Variants in CEP112 observed in about 807,000 individuals in gnomAD.
CEP112 encodes centrosomal protein of 112 kDa.
In CEP112, 127 loss-of-function variants were observed where a neutral mutation model predicts 153.0. The observed-to-expected ratio is 0.83, with a 90% CI of 0.72 to 0.96. The LOEUF is 0.96. Among genes scored for constraint, CEP112 ranks in the 40% least tolerant of loss-of-function variants. CEP112 has a pLI of 0.00. For missense variants in CEP112, 1,089 were observed against 1,101.2 expected (o/e 0.99, Z 0.16); for synonymous variants, 358 against 374.4 (o/e 0.96, Z 0.51).
rs529135709 is a variant in CEP112 at position 65,915,300 on chromosome 17, C to A, written c.1980+12282G>T. The stretch of plus-strand genomic sequence containing the variant: ...TTTACCTTACATTCTATTTCACAAC[C>A]ATTGACAAGTCCTGCCTGCAAAATA... On this transcript the variant is annotated intron_variant, in intron 19 of 26. Transcript: ENST00000535342. Among the ~76,000 whole-genome samples, 4 of 152,210 alleles carry A rather than the reference C, an allele frequency of 2.6e-5. No homozygotes were observed. In the East Asian group the frequency reaches 7.7e-4, roughly 29 times the overall value.
At chr17:65,991,826 C>T (rs1264356763) in intron 17 of CEP112, among the ~76,000 whole-genome samples, 1 of 151,992 alleles carries the variant, frequency 6.6e-6, no homozygotes, top group Non-Finnish European at 1.5e-5. Flanking sequence ...GATCAAGTCA[C>T]AATTCCTCAC....
At chr17:65,936,904 G>A (rs2061330497) in intron 18 of CEP112, among the ~76,000 whole-genome samples, 3 of 149,658 alleles carry the variant, frequency 2.0e-5, no homozygotes, top group East Asian at 2.1e-4. Context: ...TCGGCTCACT[G>A]CAACCTCCCT....
intron 21 of CEP112, among the ~76,000 whole-genome samples, chr17:65,831,384 C>T (rs1350016183): frequency 1.3e-5 from 2 of 151,878 alleles, no homozygotes; most frequent in South Asian, 2.1e-4. Context: ...AGTGAAACCC[C>T]GTCTCTACTA....
chr17:65,772,142 T>C (rs191414774), intron 21 of CEP112, among the ~76,000 whole-genome samples: 67 of 152,320 alleles, frequency 4.4e-4, no homozygotes, highest in African/African-American at 1.6e-3. Flanking sequence ...TGAATTCTTT[T>C]ATTAGCAAAG....
chr17:66,068,911 A>G (rs1483456701), intron 9 of CEP112, among the ~76,000 whole-genome samples: 8 of 152,022 alleles, frequency 5.3e-5, no homozygotes, highest in Non-Finnish European at 1.2e-4. Flanking sequence ...TATTATCTAA[A>G]CAATTTAAAC....
chr17:66,112,299 T>C (rs1345994379), intron 6 of CEP112, among the ~76,000 whole-genome samples: 4 of 147,474 alleles, frequency 2.7e-5, no homozygotes, highest in African/African-American at 1.0e-4. Flanking sequence ...CTCAAAAAAA[T>C]AAAAAAATTA....
At chr17:65,789,721 A>G (rs1356058372) in intron 21 of CEP112, among the ~76,000 whole-genome samples, 2 of 152,148 alleles carry the variant, frequency 1.3e-5, no homozygotes, top group African/African-American at 2.4e-5. Context: ...CAAAACCTCA[A>G]GAAATCTCAG....
chr17:65,695,384 G>C (rs917353931), intron 23 of CEP112, among the ~76,000 whole-genome samples: 1 of 152,106 alleles, frequency 6.6e-6, no homozygotes, highest in Non-Finnish European at 1.5e-5. Flanking sequence ...GCTTTTCTGT[G>C]AGTTTGGGGA....
intron 8 of CEP112, among the ~76,000 whole-genome samples, chr17:66,095,201 T>C (rs558247822): frequency 1.3e-5 from 2 of 152,226 alleles, no homozygotes; most frequent in South Asian, 2.1e-4. Flanking sequence ...TGCACCCCCA[T>C]GTTCACTGCA....
intron 21 of CEP112, among the ~76,000 whole-genome samples, chr17:65,804,866 T>C (rs77432397): frequency 7.0e-6 from 1 of 142,774 alleles, no homozygotes; most frequent in Non-Finnish European, 1.5e-5. Flanking sequence ...GTACAATTAA[T>C]TTTTTTTTTT....
intron 20 of CEP112, among the ~76,000 whole-genome samples, chr17:65,890,448 C>T (rs955529857): frequency 6.6e-6 from 1 of 152,158 alleles, no homozygotes. Context: ...TCTAATGGAA[C>T]CTCTTCTGAT....
chr17:65,687,160 A>ATTTTTTTTTTT (rs35675811), intron 24 of CEP112, among the ~76,000 whole-genome samples: 3 of 90,142 alleles, frequency 3.3e-5, no homozygotes, highest in Admixed American at 1.4e-4. Flanking sequence ...GTTATTATTA[A>ATTTTTTTTTTT]TTTTTTTTTT....
chr17:66,161,960 T>A (rs963599460), intron 4 of CEP112, among the ~76,000 whole-genome samples: 2 of 151,752 alleles, frequency 1.3e-5, no homozygotes, highest in African/African-American at 4.8e-5. Flanking sequence ...GTCAATAAAT[T>A]CTGTTCATTA....
chr17:65,993,758 G>C (rs1220020151), intron 17 of CEP112, among the ~76,000 whole-genome samples: 1 of 152,154 alleles, frequency 6.6e-6, no homozygotes, highest in Non-Finnish European at 1.5e-5. Flanking sequence ...ACTGCATTCT[G>C]TATGATTTTA....
intron 1 of CEP112, among the ~76,000 whole-genome samples, chr17:66,186,072 T>C (rs1358000016): frequency 6.6e-6 from 1 of 151,964 alleles, no homozygotes; most frequent in Non-Finnish European, 1.5e-5. Context: ...ATGCATCCTC[T>C]GTAGTCTTTC....
chr17:65,871,628 C>T (rs546452416), intron 20 of CEP112, among the ~76,000 whole-genome samples: 59 of 152,202 alleles, frequency 3.9e-4, no homozygotes, highest in Middle Eastern at 3.4e-3. Context: ...GAGCGAGACT[C>T]CGTCTCAATA....
rs140622947 is a variant in CEP112 at position 65,993,774 on chromosome 17, G to A, written c.1736+11916C>T. Among the ~76,000 whole-genome samples, 13 of 152,248 alleles carry A rather than the reference G, an allele frequency of 8.5e-5. No homozygotes were observed. In the East Asian group the frequency reaches 2.3e-3, roughly 27 times the overall value. On this transcript the variant is annotated intron_variant, in intron 17 of 26. Transcript: ENST00000535342. ...CTGCATTCTGTATGATTTTATTTAT[G>A]TGCAGTTCAAAAATAGATAAAAAGT...
intron 20 of CEP112, among the ~76,000 whole-genome samples, chr17:65,875,197 TG>T (rs1394769401): frequency 6.7e-6 from 1 of 149,474 alleles, no homozygotes; most frequent in Non-Finnish European, 1.5e-5. Context: ...GTCAGAAATT[TG>T]TCCAAACCAC....
chr17:65,769,179 A>T (rs2053188252), intron 21 of CEP112, among the ~76,000 whole-genome samples: 1 of 152,022 alleles, frequency 6.6e-6, no homozygotes, highest in African/African-American at 2.4e-5. Context: ...CCTCATTTAC[A>T]ATCACATCAA....
Sources: allele counts gnomAD v4.1 joint callset (sites outside exome capture counted in the v4.1 genomes callset), GRCh38; gene constraint gnomAD v4.1.1; transcripts MANE v1.5; gene names NCBI Gene and HGNC (gene_info 2026-07-23, HGNC 2026-07-21).